The following ARHGEF3 variants were observed in gnomAD, a reference collection of about 807,000 sequenced individuals.
ARHGEF3 encodes the protein 59.8 kDA protein.
Under a neutral mutation model 63.2 loss-of-function variants are expected in ARHGEF3, and 28 were observed. The ratio of observed to expected loss-of-function variants is 0.44; its 90% CI spans 0.33 to 0.61. The LOEUF (loss-of-function observed/expected upper bound fraction) is 0.61. Among genes scored for constraint, ARHGEF3 ranks in the 20% least tolerant of loss-of-function variants. The pLI, the probability that ARHGEF3 is intolerant of heterozygous loss-of-function variation, is 0.03. For missense variants in ARHGEF3, 533 were observed against 659.3 expected, an observed-to-expected ratio of 0.81 and a Z score of 2.10; for synonymous variants, 266 against 254.2, an observed-to-expected ratio of 1.05 and a Z score of -0.44.
chr3:56,849,361 C>CGT (rs1406228294), intron 4 of ARHGEF3, among the ~76,000 whole-genome samples: 1 of 152,026 alleles, frequency 6.6e-6, no homozygotes, highest in East Asian at 1.9e-4. Flanking sequence ...ACAATCTGTA[C>CGT]GTATATTGAC....
At chr3:56,996,730 T>G (rs1291822086) in intron 2 of ARHGEF3, among the ~76,000 whole-genome samples, 1 of 152,140 alleles carries the variant, frequency 6.6e-6, no homozygotes, top group Admixed American at 6.5e-5. Flanking sequence ...GCCCCGTATC[T>G]CTTACAGAAT....
intron 3 of ARHGEF3, among the ~76,000 whole-genome samples, chr3:56,915,000 T>C (rs1437788382): frequency 1.3e-5 from 2 of 152,104 alleles, no homozygotes; most frequent in African/African-American, 4.8e-5. Flanking sequence ...TGGTAAATTA[T>C]GTGTTATATG....
At chr3:56,750,898 C>T (rs1408154925) in intron 6 of ARHGEF3, among the ~76,000 whole-genome samples, 158 bp downstream of exon 6, 2 of 151,438 alleles carry the variant, frequency 1.3e-5, no homozygotes, top group African/African-American at 4.8e-5. Context: ...AGATACAAAA[C>T]TTAAATTTAA....
intron 3 of ARHGEF3, among the ~76,000 whole-genome samples, chr3:56,917,733 C>T (rs1275144098): frequency 2.0e-5 from 3 of 152,146 alleles, no homozygotes; most frequent in African/African-American, 4.8e-5. Context: ...AACTCAACAG[C>T]AAGGCAGTGC....
At chr3:56,985,707 G>A (rs1486594181) in intron 2 of ARHGEF3, among the ~76,000 whole-genome samples, 2 of 152,174 alleles carry the variant, frequency 1.3e-5, no homozygotes, top group Non-Finnish European at 2.9e-5. Context: ...CTGCGGCCTC[G>A]CCCCCTCGAT....
chr3:56,737,065 C>T (rs2033672920), intron 8 of ARHGEF3, 120 bp downstream of exon 8: 10 of 1,147,862 alleles, frequency 8.7e-6, no homozygotes, highest in Non-Finnish European at 1.2e-5. Flanking sequence ...CAAAGCGAGA[C>T]TCCATCTCAA....
chr3:56,951,371 CATT>C (rs1396155297), intron 3 of ARHGEF3, among the ~76,000 whole-genome samples: 1 of 151,764 alleles, frequency 6.6e-6, no homozygotes, highest in Admixed American at 6.6e-5. Flanking sequence ...CAGCCATCAT[CATT>C]GAGGCAAGAT....
Position 57,015,221 on chromosome 3 carries a change from T to C in ARHGEF3, c.62+19867A>G, listed in dbSNP as rs552385979. Among the ~76,000 whole-genome samples, 3 of 152,280 alleles carry C rather than the reference T, an allele frequency of 2.0e-5. No homozygotes were observed. In the South Asian group the frequency reaches 6.2e-4, roughly 32 times the overall value. On this transcript the variant is annotated intron_variant, in intron 2 of 12. Coordinates refer to the ARHGEF3 transcript ENST00000338458. ...AGTTAAGTAGCCACCTGCAGACACA[T>C]GGTAACACTATACCCCGTTTCTAAT...
At chr3:56,738,028 C>T (rs2033747925) in intron 7 of ARHGEF3, among the ~76,000 whole-genome samples, 1 of 151,932 alleles carries the variant, frequency 6.6e-6, no homozygotes, top group Admixed American at 6.6e-5. Context: ...GCCATAATGC[C>T]CAGCTAATTT....
intron 4 of ARHGEF3, among the ~76,000 whole-genome samples, chr3:56,821,962 CGAGAAGAGAA>C (rs11278622): frequency 0.21 from 24,591 of 118,530 alleles, 2,733 homozygotes; most frequent in East Asian, 0.21. Flanking sequence ...GACTCTGTCT[CGAGAAGAGAA>C]GAGAAGAGAA....
chr3:56,953,229 G>A (rs1578936522), intron 3 of ARHGEF3, among the ~76,000 whole-genome samples: 1 of 152,180 alleles, frequency 6.6e-6, no homozygotes, highest in Non-Finnish European at 1.5e-5. Context: ...GGTGTGTTGT[G>A]AGCATTAGAG....
chr3:56,975,030 A>C (rs1701069088), intron 2 of ARHGEF3, among the ~76,000 whole-genome samples: 1 of 152,074 alleles, frequency 6.6e-6, no homozygotes, highest in Non-Finnish European at 1.5e-5. Flanking sequence ...TGGGCTCCCT[A>C]ACTCATCAGC....
intron 2 of ARHGEF3, among the ~76,000 whole-genome samples, chr3:56,967,436 A>ATT (rs1491217481): frequency 4.3e-5 from 3 of 69,746 alleles, no homozygotes; most frequent in African/African-American, 1.7e-4. Flanking sequence ...TATATTATAT[A>ATT]ATATATTATA....
intron 2 of ARHGEF3, among the ~76,000 whole-genome samples, chr3:56,965,302 G>A (rs1700443534): frequency 6.6e-6 from 1 of 151,976 alleles, no homozygotes; most frequent in Non-Finnish European, 1.5e-5. Context: ...ATAGTTTTAT[G>A]GCATTAAATT....
At chr3:56,747,880 C>T (rs1352883860) in intron 6 of ARHGEF3, among the ~76,000 whole-genome samples, 1 of 152,192 alleles carries the variant, frequency 6.6e-6, no homozygotes, top group African/African-American at 2.4e-5. Flanking sequence ...ACTCACACAG[C>T]TGTCAGTGAC....
chr3:56,967,772 AT>A (rs1314539979), intron 2 of ARHGEF3, among the ~76,000 whole-genome samples: 4 of 67,338 alleles, frequency 5.9e-5, no homozygotes, highest in African/African-American at 1.2e-4. Flanking sequence ...TATATAATAT[AT>A]TATATTATAT....
chr3:56,804,412 C>T (rs987490593), upstream of ARHGEF3, among the ~76,000 whole-genome samples: 1 of 152,168 alleles, frequency 6.6e-6, no homozygotes, highest in African/African-American at 2.4e-5. Flanking sequence ...ACTTCTCAGG[C>T]AGGACACCTC....
Position 57,035,086 on chromosome 3 carries a change from A to C in ARHGEF3, c.62+2T>G, listed in dbSNP as rs1703895819. ...TTATTTAGGTTATTTGATTATTTTT[A>C]CCTTTCCTTGTTTTCTTCCATTCCT... is the stretch of plus-strand genomic sequence containing the variant. On this transcript the variant is annotated splice_donor_variant, in intron 2 of 12. Coordinates refer to the ARHGEF3 transcript ENST00000338458. LOFTEE classifies it high-confidence loss of function. 2.6e-6 allele frequency: 4 copies of C among 1,541,286 alleles called. No individual in the cohort carries two copies. In the Admixed American group the frequency reaches 8.2e-5, roughly 32 times the overall value.
intron 3 of ARHGEF3, among the ~76,000 whole-genome samples, chr3:56,908,387 T>TC (rs1477704947): frequency 2.0e-5 from 3 of 152,036 alleles, no homozygotes; most frequent in African/African-American, 7.2e-5. Flanking sequence ...AGCACAAATG[T>TC]CCCCATCTCC....
Sources: allele counts gnomAD v4.1 joint callset (sites outside exome capture counted in the v4.1 genomes callset), GRCh38; gene constraint gnomAD v4.1.1; transcripts MANE v1.5; gene names NCBI Gene and HGNC (gene_info 2026-07-23, HGNC 2026-07-21).